HS6ST3: variants seen among roughly 807,000 people sequenced by gnomAD.
HS6ST3 encodes the protein heparan sulfate 6-O-sulfotransferase 3.
A neutral mutation model predicts 36.7 loss-of-function variants in HS6ST3; 12 were observed. The ratio of observed to expected loss-of-function variants is 0.33; its 90% CI spans 0.21 to 0.53. The LOEUF is 0.53. Ranked by LOEUF, HS6ST3 falls within the 20% of genes least tolerant of loss-of-function variation. The pLI, the probability that HS6ST3 is intolerant of heterozygous loss-of-function variation, is 0.95. For missense variants in HS6ST3, 584 were observed against 640.9 expected, an observed-to-expected ratio of 0.91 and a Z score of 0.96; for synonymous variants, 240 against 257.5, an observed-to-expected ratio of 0.93 and a Z score of 0.65.
intron 1 of HS6ST3, among the ~76,000 whole-genome samples, chr13:96,321,674 CCCCTCTCTTGCCCTTT>C (rs1237167459): frequency 2.6e-5 from 4 of 152,158 alleles, no homozygotes; most frequent in Non-Finnish European, 5.9e-5. Context: ...GTCATTTTAG[CCCCTCTCTTGCCCTTT>C]CCCTTGATGT....
chr13:96,547,709 G>A (rs979085641), intron 1 of HS6ST3, among the ~76,000 whole-genome samples: 2 of 152,030 alleles, frequency 1.3e-5, no homozygotes, highest in Admixed American at 6.6e-5. Flanking sequence ...CCTCATCTTC[G>A]TTTGTGGCAT....
At chr13:96,312,162 A>G (rs2054944466) in intron 1 of HS6ST3, among the ~76,000 whole-genome samples, 1 of 152,144 alleles carries the variant, frequency 6.6e-6, no homozygotes, top group South Asian at 2.1e-4. Flanking sequence ...CTAAGCTTCT[A>G]AATTCTTAAA....
intron 1 of HS6ST3, among the ~76,000 whole-genome samples, chr13:96,732,158 A>T (rs1165054469): frequency 6.6e-6 from 1 of 152,174 alleles, no homozygotes; most frequent in Non-Finnish European, 1.5e-5. Context: ...ATGATTCATG[A>T]AACTGAACAC....
At chr13:96,389,717 G>A (rs780296392) in intron 1 of HS6ST3, among the ~76,000 whole-genome samples, 10 of 152,060 alleles carry the variant, frequency 6.6e-5, no homozygotes, top group Non-Finnish European at 1.5e-4. Flanking sequence ...AGAAATTAAA[G>A]GGATCTTAAA....
At chr13:96,376,386 G>A (rs1478962688) in intron 1 of HS6ST3, among the ~76,000 whole-genome samples, 2 of 152,180 alleles carry the variant, frequency 1.3e-5, no homozygotes, top group Admixed American at 6.6e-5. Context: ...CCATTGTACT[G>A]TCTTTCATGT....
intron 1 of HS6ST3, among the ~76,000 whole-genome samples, chr13:96,792,773 A>C (rs1268403231): frequency 6.6e-6 from 1 of 152,056 alleles, no homozygotes; most frequent in Non-Finnish European, 1.5e-5. Flanking sequence ...GAGATTTTGC[A>C]ATGTGGCAGC....
At chr13:96,647,554 G>T (rs1056134901) in intron 1 of HS6ST3, among the ~76,000 whole-genome samples, 2 of 151,910 alleles carry the variant, frequency 1.3e-5, no homozygotes, top group African/African-American at 4.8e-5. Context: ...ACAAAATTTT[G>T]TATTAGCAAG....
chr13:96,615,613 C>G (rs1054811429), intron 1 of HS6ST3, among the ~76,000 whole-genome samples: 4 of 152,220 alleles, frequency 2.6e-5, no homozygotes, highest in African/African-American at 9.6e-5. Flanking sequence ...CAAGGTCCCT[C>G]TCTTCTAGTT....
intron 1 of HS6ST3, among the ~76,000 whole-genome samples, chr13:96,131,793 T>A (rs2053976941): frequency 6.6e-6 from 1 of 151,744 alleles, no homozygotes; most frequent in South Asian, 2.1e-4. Context: ...AAATAAAATG[T>A]CTAAGATAGA....
chr13:96,497,967 G>C (rs1357847455), intron 1 of HS6ST3, among the ~76,000 whole-genome samples: 1 of 152,172 alleles, frequency 6.6e-6, no homozygotes, highest in Non-Finnish European at 1.5e-5. Context: ...GAGAATCACA[G>C]AGTGATTGCC....
chr13:96,784,736 C>T (rs1594859448), intron 1 of HS6ST3, among the ~76,000 whole-genome samples: 1 of 152,290 alleles, frequency 6.6e-6, no homozygotes, highest in Non-Finnish European at 1.5e-5. Context: ...ACTTGACTCT[C>T]TAATTCTTTT....
intron 1 of HS6ST3, among the ~76,000 whole-genome samples, chr13:96,316,850 A>G (rs1173475401): frequency 6.6e-6 from 1 of 152,192 alleles, no homozygotes; most frequent in Non-Finnish European, 1.5e-5. Context: ...AGACATTCTT[A>G]AATCACAAAT....
At chr13:96,119,877 A>AG (rs534901854) in intron 1 of HS6ST3, among the ~76,000 whole-genome samples, 12 of 47,410 alleles carry the variant, frequency 2.5e-4, no homozygotes, top group Non-Finnish European at 1.4e-4. Context: ...ATATAATAGG[A>AG]AAAAAAAAAA....
intron 1 of HS6ST3, among the ~76,000 whole-genome samples, chr13:96,504,211 A>G (rs1308963225): frequency 6.6e-6 from 1 of 152,140 alleles, no homozygotes; most frequent in Non-Finnish European, 1.5e-5. Flanking sequence ...AAGCCATAGC[A>G]AAGTTAGGTA....
In HS6ST3 at chr13:96,144,620, A is replaced by G. The variant is rs562325591; in HGVS notation, c.707+53051A>G. Among the ~76,000 whole-genome samples, 3 of 151,748 alleles carry G rather than the reference A, an allele frequency of 2.0e-5. No homozygotes were observed. The South Asian group carries it at 6.2e-4, about 32-fold the overall frequency. ...GATCTTGAAGTTGCTTATAAATAAA[A>G]TTATTTTATTTTATTTAATTAATTT... On this transcript the variant is annotated intron_variant, in intron 1 of 1. Coordinates refer to ENST00000376705, the MANE Select transcript of HS6ST3 (RefSeq NM_153456.4).
intron 1 of HS6ST3, among the ~76,000 whole-genome samples, chr13:96,697,456 T>C (rs1875159522): frequency 6.6e-6 from 1 of 151,928 alleles, no homozygotes. Flanking sequence ...GCAATAAACT[T>C]TTTAGAACTG....
intron 1 of HS6ST3, among the ~76,000 whole-genome samples, chr13:96,298,507 C>T (rs1425664446): frequency 6.6e-6 from 1 of 152,208 alleles, no homozygotes; most frequent in East Asian, 1.9e-4. Flanking sequence ...AGATCAGACA[C>T]CCGGGTTTGT....
chr13:96,322,772 T>G (rs1327554619), intron 1 of HS6ST3, among the ~76,000 whole-genome samples: 1 of 152,170 alleles, frequency 6.6e-6, no homozygotes, highest in African/African-American at 2.4e-5. Context: ...AATCAGGCTT[T>G]CTTTCTGTCA....
At chr13:96,666,512 T>C (rs575513282) in intron 1 of HS6ST3, among the ~76,000 whole-genome samples, 36 of 152,286 alleles carry the variant, frequency 2.4e-4, no homozygotes, top group African/African-American at 7.9e-4. Context: ...AAGATTATTA[T>C]ACTATTATAC....
Sources: allele counts gnomAD v4.1 joint callset (sites outside exome capture counted in the v4.1 genomes callset), GRCh38; gene constraint gnomAD v4.1.1; transcripts MANE v1.5; gene names NCBI Gene and HGNC (gene_info 2026-07-23, HGNC 2026-07-21).